The following KCNH8 variants were observed in gnomAD, a reference collection of about 807,000 sequenced individuals.
The protein encoded by KCNH8 is potassium voltage-gated channel subfamily H member 8, also known as voltage-gated delayed rectifier potassium channel KCNH8.
A neutral mutation model predicts 103.6 loss-of-function variants in KCNH8; 70 were observed. The ratio of observed to expected loss-of-function variants is 0.68; its 90% confidence interval spans 0.56 to 0.82. KCNH8 has a LOEUF of 0.82. Ranked by LOEUF, KCNH8 falls within the 40% of genes least tolerant of loss-of-function variation. The pLI, the probability that KCNH8 is intolerant of heterozygous loss-of-function variation, is 0.00. For synonymous variants in KCNH8, 498 were observed against 489.4 expected (o/e 1.02, Z -0.23); for missense variants, 1,217 against 1,329.9 (o/e 0.92, Z 1.32).
chr3:19,177,657 G>C (rs936867853), intron 1 of KCNH8, among the ~76,000 whole-genome samples: 8 of 151,894 alleles, frequency 5.3e-5, no homozygotes, highest in African/African-American at 1.9e-4. Context: ...CAGAGAGTGA[G>C]AAAGAAAGGA....
At chr3:19,200,977 A>G (rs537236193) in intron 1 of KCNH8, among the ~76,000 whole-genome samples, 27 of 152,092 alleles carry the variant, frequency 1.8e-4, no homozygotes, top group African/African-American at 6.5e-4. Context: ...CATGCCTGTA[A>G]TCCCAGCACT....
At chr3:19,366,634 CTT>C (rs1009805756) in intron 5 of KCNH8, among the ~76,000 whole-genome samples, 13 of 151,846 alleles carry the variant, frequency 8.6e-5, no homozygotes, top group African/African-American at 3.1e-4. Context: ...GTCATTCTCT[CTT>C]CTTTCCACTT....
intron 1 of KCNH8, among the ~76,000 whole-genome samples, chr3:19,172,259 C>T (rs1227784965): frequency 1.3e-5 from 2 of 152,050 alleles, no homozygotes; most frequent in South Asian, 2.1e-4. Flanking sequence ...GCCTTGTTTG[C>T]ACTCATTATG....
At chr3:19,253,026 G>A (rs1397788792) in intron 1 of KCNH8, among the ~76,000 whole-genome samples, 7 of 152,054 alleles carry the variant, frequency 4.6e-5, no homozygotes, top group Non-Finnish European at 8.8e-5. Flanking sequence ...GACATTAGTG[G>A]ATAAATACTT....
intron 7 of KCNH8, among the ~76,000 whole-genome samples, chr3:19,426,517 T>C (rs985727045): frequency 6.6e-6 from 1 of 150,962 alleles, no homozygotes; most frequent in African/African-American, 2.4e-5. Flanking sequence ...TAGAAATAAC[T>C]TTCTGATAAT....
At chr3:19,499,495 C>G (rs1319328657) in intron 11 of KCNH8, among the ~76,000 whole-genome samples, 2 of 152,148 alleles carry the variant, frequency 1.3e-5, no homozygotes, top group Non-Finnish European at 2.9e-5. Context: ...TTGTCAGATT[C>G]ACCAAAGTTG....
At chr3:19,517,012 A>G (rs1270493562) in intron 14 of KCNH8, among the ~76,000 whole-genome samples, 2 of 151,920 alleles carry the variant, frequency 1.3e-5, no homozygotes, top group African/African-American at 2.4e-5. Flanking sequence ...GGATCTCCCT[A>G]TGTTGCCCAG....
chr3:19,386,231 C>T (rs1219404291), intron 5 of KCNH8, among the ~76,000 whole-genome samples: 1 of 152,094 alleles, frequency 6.6e-6, no homozygotes, highest in Non-Finnish European at 1.5e-5. Flanking sequence ...AATATGTACA[C>T]ATTTTTCTCT....
chr3:19,275,710 T>C (rs1044138189), intron 2 of KCNH8, among the ~76,000 whole-genome samples: 2 of 152,124 alleles, frequency 1.3e-5, no homozygotes, highest in African/African-American at 4.8e-5. Context: ...CAGCTTTGGG[T>C]ATTCCAGGGA....
chr3:19,370,385 T>A (rs2066071761), intron 5 of KCNH8, among the ~76,000 whole-genome samples: 1 of 152,120 alleles, frequency 6.6e-6, no homozygotes, highest in Non-Finnish European at 1.5e-5. Context: ...ATTATTAGTT[T>A]CGTTTTAATT....
intron 1 of KCNH8, among the ~76,000 whole-genome samples, chr3:19,180,192 A>G (rs981760502): frequency 1.3e-5 from 2 of 151,478 alleles, no homozygotes; most frequent in Non-Finnish European, 3.0e-5. Flanking sequence ...CCCTTTACCT[A>G]CTTTGAGAGT....
chr3:19,409,473 G>A (rs780237861), intron 7 of KCNH8, among the ~76,000 whole-genome samples: 13 of 151,958 alleles, frequency 8.6e-5, no homozygotes, highest in African/African-American at 1.4e-4. Context: ...ATTACACAGC[G>A]AACAGCTAAC....
At chr3:19,209,746 A>G (rs2063751507) in intron 1 of KCNH8, among the ~76,000 whole-genome samples, 1 of 152,086 alleles carries the variant, frequency 6.6e-6, no homozygotes. Context: ...ATGAAACTTA[A>G]CAGGGAGGCA....
Position 19,148,549 on chromosome 3 carries a change from ACT to A in KCNH8, c.-165_-164del, listed in dbSNP as rs1388661714. On this transcript the variant is annotated 5_prime_UTR_variant, in exon 1 of 16. Transcript: ENST00000328405. The stretch of plus-strand genomic sequence containing the variant: ...TCCTGCCACAGCCGGGGCGGCTGGA[ACT>A]CTCTCCCTTTCTCCCTCCATCCTTC... 4.7e-6 allele frequency: 3 copies of A among 642,724 alleles called. No homozygotes were observed. Among genetic ancestry groups the A allele is most frequent in the African/African-American group, 3.7e-5 (2 of 53,416 alleles). 39.8% of individuals were successfully genotyped at this position (642,724 alleles called of 1,614,324 possible).
At chr3:19,202,685 T>TTTGTTA (rs1408203019) in intron 1 of KCNH8, among the ~76,000 whole-genome samples, 2 of 152,160 alleles carry the variant, frequency 1.3e-5, no homozygotes, top group Non-Finnish European at 2.9e-5. Flanking sequence ...TCTGTAACTT[T>TTTGTTA]TTGTTATTAT....
At chr3:19,361,960 G>A (rs529423379) in intron 5 of KCNH8, among the ~76,000 whole-genome samples, 1 of 152,242 alleles carries the variant, frequency 6.6e-6, no homozygotes, top group African/African-American at 2.4e-5. Flanking sequence ...AATTACTGAC[G>A]AAGCTAGAGC....
intron 1 of KCNH8, among the ~76,000 whole-genome samples, chr3:19,240,669 C>G (rs751433268): frequency 6.6e-6 from 1 of 151,362 alleles, no homozygotes; most frequent in Non-Finnish European, 1.5e-5. Flanking sequence ...TACTTTATAT[C>G]TCCTCTTGGA....
intron 11 of KCNH8, among the ~76,000 whole-genome samples, chr3:19,491,678 G>C (rs969618811): frequency 7.9e-5 from 12 of 152,152 alleles, no homozygotes; most frequent in Admixed American, 2.6e-4. Flanking sequence ...TTGATGTAGT[G>C]ATCTATTTTC....
intron 1 of KCNH8, among the ~76,000 whole-genome samples, chr3:19,167,188 C>T (rs1343927155): frequency 6.6e-6 from 1 of 152,146 alleles, no homozygotes. Context: ...ATGACACAGA[C>T]AACACTGGGG....
Sources: allele counts gnomAD v4.1 joint callset (sites outside exome capture counted in the v4.1 genomes callset), GRCh38; gene constraint gnomAD v4.1.1; transcripts MANE v1.5; gene names NCBI Gene and HGNC (gene_info 2026-07-23, HGNC 2026-07-21).